ATRNL1: variants seen among roughly 807,000 people sequenced by gnomAD.
ATRNL1 encodes the protein attractin-like protein 1.
ATRNL1 carries 95 observed loss-of-function variants against 182.7 expected under a neutral mutation model. That is an observed-to-expected ratio of 0.52 (90% CI 0.44 to 0.62). The LOEUF (loss-of-function observed/expected upper bound fraction) is 0.62, where lower values mean the gene tolerates loss of function less well. ATRNL1 is among the 20% of genes least tolerant of loss of function. The probability of loss-of-function intolerance (pLI) is 0.00; values close to 1 mark genes in which losing one functional copy is unlikely to be tolerated. For missense variants in ATRNL1, 1,471 were observed against 1,679.5 expected, an observed-to-expected ratio of 0.88 and a Z score of 2.17; for synonymous variants, 576 against 568.3, an observed-to-expected ratio of 1.01 and a Z score of -0.19.
intron 8 of ATRNL1, among the ~76,000 whole-genome samples, chr10:115,177,049 G>A (rs542961141): frequency 2.4e-4 from 37 of 152,076 alleles, no homozygotes; most frequent in Non-Finnish European, 4.6e-4. Flanking sequence ...TAGGGTCCCC[G>A]AATAATAAGA....
intron 26 of ATRNL1, among the ~76,000 whole-genome samples, chr10:115,582,850 G>T (rs140057674): frequency 0.47 from 69,185 of 147,790 alleles, 17,717 homozygotes; most frequent in East Asian, 0.83. Context: ...TAAAGCCTAG[G>T]TTTTCTTCTA....
chr10:115,848,470 T>A (rs1336910563), intron 28 of ATRNL1, among the ~76,000 whole-genome samples: 2 of 152,160 alleles, frequency 1.3e-5, no homozygotes, highest in Admixed American at 6.5e-5. Context: ...CACGCAACCA[T>A]CTCAGTAGGT....
intron 10 of ATRNL1, among the ~76,000 whole-genome samples, chr10:115,262,250 A>G (rs1164678691): frequency 6.6e-6 from 1 of 151,836 alleles, no homozygotes; most frequent in Non-Finnish European, 1.5e-5. Flanking sequence ...TAAAAATGAT[A>G]AAATAAAAGC....
At chr10:115,167,610 T>C (rs930687896) in intron 7 of ATRNL1, among the ~76,000 whole-genome samples, 2 of 152,072 alleles carry the variant, frequency 1.3e-5, no homozygotes, top group Non-Finnish European at 1.5e-5. Context: ...TGAATTTATA[T>C]GTTTTCTGTG....
At chr10:115,282,065 C>CAT (rs1491068577) in intron 14 of ATRNL1, among the ~76,000 whole-genome samples, 1 of 143,462 alleles carries the variant, frequency 7.0e-6, no homozygotes, top group East Asian at 2.0e-4. Context: ...TAATATGTAA[C>CAT]ATATATTTAT....
chr10:115,427,138 T>C (rs558589541), intron 21 of ATRNL1, among the ~76,000 whole-genome samples: 1 of 152,320 alleles, frequency 6.6e-6, no homozygotes, highest in Non-Finnish European at 1.5e-5. Flanking sequence ...AGAAACTTTT[T>C]TAGAGTTAGT....
At chr10:115,414,193 A>G (rs1845279616) in intron 20 of ATRNL1, among the ~76,000 whole-genome samples, 1 of 152,064 alleles carries the variant, frequency 6.6e-6, no homozygotes, top group Non-Finnish European at 1.5e-5. Flanking sequence ...TCAGTAAGAA[A>G]ACCTACATAA....
At chr10:115,454,146 T>G (rs566026848) in intron 21 of ATRNL1, among the ~76,000 whole-genome samples, 1 of 152,198 alleles carries the variant, frequency 6.6e-6, no homozygotes, top group East Asian at 1.9e-4. Flanking sequence ...CAACACCATT[T>G]AATGAAGAGA....
At chr10:115,771,748 T>C (rs1948998716) in intron 27 of ATRNL1, among the ~76,000 whole-genome samples, 1 of 152,212 alleles carries the variant, frequency 6.6e-6, no homozygotes, top group Non-Finnish European at 1.5e-5. Context: ...AGATCATAGA[T>C]GTAGTAAATC....
intron 19 of ATRNL1, among the ~76,000 whole-genome samples, chr10:115,362,740 A>G (rs1410443455): frequency 6.6e-6 from 1 of 151,972 alleles, no homozygotes; most frequent in Non-Finnish European, 1.5e-5. Context: ...CTCATTGTTC[A>G]ATTCCCACCA....
chr10:115,435,665 TTAC>T (rs1448986470), intron 21 of ATRNL1, among the ~76,000 whole-genome samples: 2 of 152,196 alleles, frequency 1.3e-5, no homozygotes, highest in African/African-American at 4.8e-5. Context: ...GCTTTCGCAT[TTAC>T]TACTTTTCTC....
At chr10:115,595,951 G>A (rs1309590679) in intron 26 of ATRNL1, among the ~76,000 whole-genome samples, 1 of 151,986 alleles carries the variant, frequency 6.6e-6, no homozygotes, top group Admixed American at 6.6e-5. Context: ...CAAGTCAAAA[G>A]ATAACAGCTT....
chr10:115,345,282 T>TA (rs1855925428), intron 19 of ATRNL1, among the ~76,000 whole-genome samples: 1 of 152,244 alleles, frequency 6.6e-6, no homozygotes, highest in South Asian at 2.1e-4. Context: ...TTCAGACTGC[T>TA]AGGATTGGCG....
intron 28 of ATRNL1, among the ~76,000 whole-genome samples, chr10:115,867,520 C>T (rs1472411349): frequency 2.0e-5 from 3 of 152,130 alleles, no homozygotes; most frequent in South Asian, 2.1e-4. Context: ...TTTCCTCTCA[C>T]TGAAGTAGTC....
At chr10:115,328,082 A>G (rs1271370604) in intron 18 of ATRNL1, among the ~76,000 whole-genome samples, 3 of 151,356 alleles carry the variant, frequency 2.0e-5, no homozygotes, top group Non-Finnish European at 2.9e-5. Flanking sequence ...AACTTAAAGT[A>G]TAATAATAAT....
intron 19 of ATRNL1, among the ~76,000 whole-genome samples, chr10:115,379,551 C>G (rs376430416): frequency 2.6e-5 from 4 of 152,082 alleles, no homozygotes; most frequent in African/African-American, 9.7e-5. Context: ...TAATATACAT[C>G]GTTTTAGTGT....
At chr10:115,494,448 G>C (rs986843054) in intron 24 of ATRNL1, among the ~76,000 whole-genome samples, 1 of 152,110 alleles carries the variant, frequency 6.6e-6, no homozygotes, top group Non-Finnish European at 1.5e-5. Flanking sequence ...AATAGCTTTT[G>C]CCCATTCAGC....
At chr10:115,375,937 T>C (rs1857646008) in intron 19 of ATRNL1, among the ~76,000 whole-genome samples, 1 of 152,190 alleles carries the variant, frequency 6.6e-6, no homozygotes, top group East Asian at 1.9e-4. Context: ...AGTTTTATAT[T>C]TTCATATTTT....
chr10:115,891,027 T>C (rs1279319301), intron 28 of ATRNL1, among the ~76,000 whole-genome samples: 1 of 152,144 alleles, frequency 6.6e-6, no homozygotes, highest in Non-Finnish European at 1.5e-5. Flanking sequence ...TCAAGGTGTG[T>C]GGGCAGGGGA....
Sources: gnomAD v4.1 joint callset for allele counts (sites outside exome capture counted in the v4.1 genomes callset) on GRCh38, gnomAD v4.1.1 for gene constraint, MANE v1.5 for transcripts, NCBI Gene and HGNC (gene_info 2026-07-23, HGNC 2026-07-21) for gene names.